KIF3B: variants seen among roughly 807,000 people sequenced by gnomAD.
The protein encoded by KIF3B is kinesin-like protein KIF3B.
A neutral mutation model predicts 74.3 loss-of-function variants in KIF3B; 38 were observed. That is an observed-to-expected ratio of 0.51 (90% CI 0.39 to 0.67). The LOEUF (loss-of-function observed/expected upper bound fraction) is 0.67, where lower values mean the gene tolerates loss of function less well. Among genes scored for constraint, KIF3B ranks in the 30% least tolerant of loss-of-function variants. KIF3B has a pLI of 0.00. For missense variants in KIF3B, 649 were observed against 932.0 expected (o/e 0.70, Z 3.95); for synonymous variants, 326 against 342.5 (o/e 0.95, Z 0.53).
At chr20:32,282,599 G>A (rs1048935716) in intron 1 of KIF3B, among the ~76,000 whole-genome samples, 2 of 152,236 alleles carry the variant, frequency 1.3e-5, no homozygotes, top group Admixed American at 6.5e-5. Flanking sequence ...AGCCTGTGGA[G>A]CGGCAGGTGT....
intron 1 of KIF3B, among the ~76,000 whole-genome samples, chr20:32,298,432 AAAAC>A (rs1379067584): frequency 6.6e-6 from 1 of 152,246 alleles, no homozygotes; most frequent in Non-Finnish European, 1.5e-5. Flanking sequence ...TCTATCTCAA[AAAAC>A]AAACAAAACA....
chr20:32,295,286 C>T (rs2047711307), intron 1 of KIF3B, among the ~76,000 whole-genome samples: 1 of 151,594 alleles, frequency 6.6e-6, no homozygotes, highest in African/African-American at 2.4e-5. Flanking sequence ...AGGTGACGCC[C>T]CCCGCCCCCT....
chr20:32,293,446 A>G (rs1380784610), intron 1 of KIF3B, among the ~76,000 whole-genome samples: 3 of 152,108 alleles, frequency 2.0e-5, no homozygotes, highest in African/African-American at 7.2e-5. Flanking sequence ...ATTTGTCTCT[A>G]CAAAAAATAA....
rs1569194469 is a variant in KIF3B, at chr20:32,299,393, A to G, written c.-65-10320A>G. Among the ~76,000 whole-genome samples, 116 of 35,440 alleles carry G rather than the reference A, an allele frequency of 3.3e-3. 4 individuals carry two copies. The East Asian group carries it at 0.19, about 57-fold the overall frequency. 23.3% of individuals were successfully genotyped at this position (35,440 alleles called of 152,430 possible). A position where few individuals can be genotyped will look rare whatever the true frequency, so the allele number is the denominator to read the frequency against. ...ATGGTGTGTGTGTATATATATATAT[A>G]TATATATATATTTTTTTTTTTTTTT... On this transcript the variant is annotated intron_variant, in intron 1 of 8. Coordinates refer to ENST00000375712, the MANE Select transcript of KIF3B (RefSeq NM_004798.4).
At chr20:32,319,829 A>C (rs972172626) in intron 5 of KIF3B, among the ~76,000 whole-genome samples, 6 of 151,134 alleles carry the variant, frequency 4.0e-5, no homozygotes, top group Admixed American at 1.3e-4. Context: ...CAGGTGATCC[A>C]CCTGCCTTGG....
intron 1 of KIF3B, among the ~76,000 whole-genome samples, chr20:32,303,921 A>G (rs1028892568): frequency 2.0e-5 from 3 of 152,120 alleles, no homozygotes; most frequent in Non-Finnish European, 4.4e-5. Context: ...GCATAAAATT[A>G]GGCCTCATCC....
At chr20:32,323,164 A>G (rs1429269650) in intron 5 of KIF3B, among the ~76,000 whole-genome samples, 2 of 118,156 alleles carry the variant, frequency 1.7e-5, no homozygotes, top group South Asian at 2.5e-4. Context: ...ATATTTATAT[A>G]TTTATATTTA....
intron 5 of KIF3B, among the ~76,000 whole-genome samples, chr20:32,320,922 T>C (rs1463212112): frequency 6.6e-6 from 1 of 152,108 alleles, no homozygotes; most frequent in Non-Finnish European, 1.5e-5. Flanking sequence ...CATATTCAAG[T>C]TTCTTTTGTG....
chr20:32,313,647 A>G (rs188575455), intron 2 of KIF3B, among the ~76,000 whole-genome samples: 24 of 152,258 alleles, frequency 1.6e-4, no homozygotes, highest in Admixed American at 7.8e-4. Context: ...CATTATGTCA[A>G]AGCACTTCAT....
In KIF3B at chr20:32,310,751, A is replaced by G; in HGVS notation, c.974A>G (p.Glu325Gly). Residue 325 changes from glutamate to glycine, a missense_variant, in exon 2 of 9, where the codon GAA (glutamate) becomes GGA (glycine). By Grantham distance (98) the Glu-to-Gly change is moderately conservative. This residue lies in a region of KIF3B where 363 missense variants were observed against 592.8 expected (regional missense o/e 0.61). Transcript: ENST00000375712. This position sits in a 1 kb window ranked among gnomAD's most constrained non-coding sequence, Gnocchi z 6.5. ...GTGGGGCCTGCCTCTTACAACGTAG[A>G]AGAGACTCTGACCACTCTGCGATAT... Reference protein sequence around the residue: ...ANVGPASYNVEETLTTLRYAN... With the variant: ...ANVGPASYNVGETLTTLRYAN... 3 of 1,614,162 alleles carry G rather than the reference A, an allele frequency of 1.9e-6. No homozygotes were observed. The highest frequency in any genetic ancestry group is 2.5e-6 in the Non-Finnish European group (3 of 1,180,032).
At chr20:32,329,160 G>C (rs756496014) in intron 7 of KIF3B, among the ~76,000 whole-genome samples, 2 of 151,720 alleles carry the variant, frequency 1.3e-5, no homozygotes, top group South Asian at 4.2e-4. Context: ...CACCCACCTC[G>C]GCCTCCCAGA....
intron 1 of KIF3B, 26 bp downstream of exon 1, chr20:32,277,791 C>T: frequency 4.5e-6 from 1 of 220,550 alleles, no homozygotes; most frequent in Non-Finnish European, 8.6e-6. Flanking sequence ...CGGGCGCCCA[C>T]CGAGCAGGGC....
chr20:32,326,166 C>G (rs534590913), intron 5 of KIF3B, among the ~76,000 whole-genome samples: 93 of 152,226 alleles, frequency 6.1e-4, no homozygotes, highest in Middle Eastern at 3.4e-3. Flanking sequence ...CCAGTGGGTT[C>G]CAGTTTCCTT....
Position 32,310,784 on chromosome 20 carries a change from G to A in KIF3B, c.1007G>A (p.Arg336His), listed in dbSNP as rs770420525. The A allele has an allele frequency of 1.1e-5, 17 of 1,614,034 alleles. No individual in the cohort carries two copies. Among genetic ancestry groups the A allele is most frequent in the East Asian group, 2.2e-5 (1 of 44,902 alleles). Residue 336 changes from arginine to histidine, a missense_variant, in exon 2 of 9, where the codon CGT becomes CAT. By Grantham distance (29) the Arg-to-His change is conservative. This residue lies in a region of KIF3B where 363 missense variants were observed against 592.8 expected (regional missense o/e 0.61). Coordinates refer to ENST00000375712, the MANE Select transcript of KIF3B (RefSeq NM_004798.4). This position sits in a 1 kb window ranked among gnomAD's most constrained non-coding sequence, Gnocchi z 6.5. ...CTGACCACTCTGCGATATGCCAACC[G>A]TGCCAAAAACATTAAGAACAAACCA... The part of the protein sequence containing the change: ...ETLTTLRYAN[R>H]AKNIKNKPRV...
chr20:32,292,966 ATT>A (rs1331422948), intron 1 of KIF3B, among the ~76,000 whole-genome samples: 3 of 152,008 alleles, frequency 2.0e-5, no homozygotes, highest in African/African-American at 4.8e-5. Flanking sequence ...GATCAAAGAC[ATT>A]TTTTGGCTGG....
chr20:32,325,653 CTCTTTTTTTTT>C (rs1480333741), intron 5 of KIF3B, among the ~76,000 whole-genome samples: 16 of 90,270 alleles, frequency 1.8e-4, no homozygotes, highest in East Asian at 6.5e-4. Context: ...CTCTCTCTCT[CTCTTTTTTTTT>C]TTTTTTTTTT....
intron 1 of KIF3B, among the ~76,000 whole-genome samples, chr20:32,289,784 G>A (rs944138168): frequency 6.6e-5 from 10 of 152,172 alleles, no homozygotes; most frequent in African/African-American, 2.4e-4. Context: ...AAATTGTCCA[G>A]AAACAATCGG....
intron 2 of KIF3B, among the ~76,000 whole-genome samples, chr20:32,312,982 T>C (rs962165711): frequency 1.3e-5 from 2 of 152,188 alleles, no homozygotes; most frequent in African/African-American, 4.8e-5. Context: ...GCAGTTTCAG[T>C]ATGCAGTACC....
chr20:32,314,429 A>T (rs2047817132), intron 2 of KIF3B, among the ~76,000 whole-genome samples: 1 of 152,064 alleles, frequency 6.6e-6, no homozygotes, highest in South Asian at 2.1e-4. Context: ...AGTTCCAGCT[A>T]CTTGGGAGGC....
Sources: allele counts gnomAD v4.1 joint callset (sites outside exome capture counted in the v4.1 genomes callset), GRCh38; gene constraint gnomAD v4.1.1; regional missense constraint gnomAD v4.1.1; non-coding constraint Gnocchi (gnomAD v3.1); transcripts MANE v1.5; gene names NCBI Gene and HGNC (gene_info 2026-07-23, HGNC 2026-07-21).